Variants in SMU1 observed in about 807,000 individuals in gnomAD.
SMU1 encodes the protein WD40 repeat-containing protein SMU1.
Under a neutral mutation model 62.0 loss-of-function variants are expected in SMU1, and 2 were observed. The observed-to-expected ratio is 0.03, with a 90% confidence interval of 0.01 to 0.10. The LOEUF is 0.10. Ranked by LOEUF, SMU1 falls within the 10% of genes least tolerant of loss-of-function variation. The pLI, the probability that SMU1 is intolerant of heterozygous loss-of-function variation, is 1.00. For synonymous variants in SMU1, 188 were observed against 212.4 expected, an observed-to-expected ratio of 0.89 and a Z score of 1.00; for missense variants, 227 against 622.1, an observed-to-expected ratio of 0.36 and a Z score of 6.76.
At chr9:33,059,901 C>G (rs1839344283) in intron 6 of SMU1, among the ~76,000 whole-genome samples, 1 of 151,790 alleles carries the variant, frequency 6.6e-6, no homozygotes, top group South Asian at 2.1e-4. Flanking sequence ...CCTGAGCCAT[C>G]ACGCCCAGCC....
chr9:33,066,941 G>A (rs1026042629), intron 4 of SMU1, among the ~76,000 whole-genome samples: 2 of 151,968 alleles, frequency 1.3e-5, no homozygotes, highest in East Asian at 3.9e-4. Flanking sequence ...GTCCTGATGG[G>A]AACAAAAAGA....
rs958387439 is a variant in SMU1, at chr9:33,044,296, G to T, written c.*2997C>A. 1 of 152,444 alleles carries T rather than the reference G, an allele frequency of 6.6e-6. No individual in the cohort carries two copies. Among genetic ancestry groups the T allele is most frequent in the Non-Finnish European group, 1.5e-5 (1 of 68,096 alleles). 9.4% of individuals were successfully genotyped at this position (152,444 alleles called of 1,614,324 possible). Reference sequence around the variant, plus strand: ...AGCCGCTGCCACCGGCCCTTAAGACGATGTGACCGCCAATTTTGTAACAGT... The same window carrying T: ...AGCCGCTGCCACCGGCCCTTAAGACTATGTGACCGCCAATTTTGTAACAGT... On this transcript the variant is annotated 3_prime_UTR_variant, in exon 12 of 12. Transcript: ENST00000397149.
intron 10 of SMU1, among the ~76,000 whole-genome samples, chr9:33,052,181 T>C (rs1187635370): frequency 6.6e-6 from 1 of 152,094 alleles, no homozygotes; most frequent in African/African-American, 2.4e-5. Context: ...AGATCTGTAA[T>C]AGAGTTAATA....
chr9:33,070,945 G>A (rs561903485), intron 3 of SMU1, among the ~76,000 whole-genome samples: 113 of 152,128 alleles, frequency 7.4e-4, no homozygotes, highest in Non-Finnish European at 1.4e-3. Context: ...GAATAAATAA[G>A]AAATAGTATT....
At chr9:33,054,164 C>T (rs7872744) in intron 9 of SMU1, among the ~76,000 whole-genome samples, 63,439 of 151,464 alleles carry the variant, frequency 0.42, 13,546 homozygotes, top group African/African-American at 0.48. Context: ...AAACAAAAAC[C>T]GCTTTTCTTT....
intron 8 of SMU1, 160 bp from the exon 9 acceptor site, chr9:33,056,399 A>G (rs946324242): frequency 2.1e-5 from 7 of 340,622 alleles, no homozygotes; most frequent in Non-Finnish European, 2.9e-5. Flanking sequence ...TCACTATATC[A>G]AACAATCAAA....
At chr9:33,073,509 T>G (rs981249402) in intron 2 of SMU1, 87 bp downstream of exon 2, 5 of 886,078 alleles carry the variant, frequency 5.6e-6, no homozygotes, top group African/African-American at 3.3e-5. Context: ...CTACCGTGCT[T>G]GAAGGAATGC....
Position 33,071,871 on chromosome 9 carries a change from G to T in SMU1, c.259C>A (p.Leu87Ile). 1 of 1,575,664 alleles carries T rather than the reference G, an allele frequency of 6.3e-7. No individual in the cohort carries two copies. Reference protein sequence around the residue: ...YEQVVLELIELRELGAARSLL... With the variant: ...YEQVVLELIEIRELGAARSLL... The stretch of plus-strand genomic sequence containing the variant: ...GACCTGGCAGCACCCAATTCACGGA[G>T]CTCTATCAATTCCAGAACAACCTGG... Residue 87 changes from leucine (L) to isoleucine (I), a missense_variant, in exon 3 of 12, where the codon CTC (leucine) becomes ATC (isoleucine). Transcript: ENST00000397149.
chr9:33,048,611 C>T (rs1839211845), intron 10 of SMU1, among the ~76,000 whole-genome samples: 1 of 152,222 alleles, frequency 6.6e-6, no homozygotes, highest in Admixed American at 6.5e-5. Context: ...TGTCTGCTCT[C>T]CAGTTTCCTC....
intron 3 of SMU1, among the ~76,000 whole-genome samples, chr9:33,069,686 C>G (rs2117862342): frequency 6.6e-6 from 1 of 152,306 alleles, no homozygotes; most frequent in Admixed American, 6.5e-5. Context: ...CCTGTAATCT[C>G]AGCTACTCGG....
chr9:33,057,513 A>T, intron 7 of SMU1, 85 bp downstream of exon 7: 1 of 1,496,190 alleles, frequency 6.7e-7, no homozygotes, highest in Non-Finnish European at 9.2e-7. Flanking sequence ...AGCTATTATT[A>T]TGCTGAATAT....
intron 7 of SMU1, 86 bp downstream of exon 7, chr9:33,057,512 T>A: frequency 6.7e-7 from 1 of 1,490,210 alleles, no homozygotes; most frequent in Non-Finnish European, 9.3e-7. Context: ...TAGCTATTAT[T>A]ATGCTGAATA....
intron 8 of SMU1, 31 bp from the exon 9 acceptor site, chr9:33,056,270 T>C (rs558749810): frequency 3.1e-6 from 5 of 1,591,150 alleles, no homozygotes; most frequent in African/African-American, 2.7e-5. Context: ...AAAAGAACAA[T>C]AAATATTTAA....
chr9:33,054,526 G>T (rs576845096), intron 9 of SMU1, among the ~76,000 whole-genome samples: 28 of 152,186 alleles, frequency 1.8e-4, no homozygotes, highest in Non-Finnish European at 4.0e-4. Flanking sequence ...ACTTTTCCCG[G>T]TCTATCTTTT....
intron 3 of SMU1, 124 bp downstream of exon 3, chr9:33,071,616 A>G (rs1168443939): frequency 4.1e-6 from 4 of 968,846 alleles, no homozygotes; most frequent in Non-Finnish European, 6.0e-6. Flanking sequence ...GAGAAGCATC[A>G]TTCTCAAAAA....
Position 33,073,916 on chromosome 9 carries a change from C to A in SMU1, c.27-110G>T, listed in dbSNP as rs1839513734. 1.7e-5 allele frequency: 18 copies of A among 1,032,502 alleles called. No individual in the cohort carries two copies. The South Asian group carries it at 3.1e-4, about 18-fold the overall frequency. 64.0% of individuals were successfully genotyped at this position (1,032,502 alleles called of 1,614,324 possible). A position where few individuals can be genotyped will look rare whatever the true frequency, so the allele number is the denominator to read the frequency against. On this transcript the variant is annotated intron_variant, in intron 1 of 11. Coordinates refer to ENST00000397149, the MANE Select transcript of SMU1 (RefSeq NM_018225.3). ...CTTCCTTTCACTACTATTTCTTTATCATGTGAGTAAAATTTTCCAAAATCA... is the reference window on the plus strand; with the variant it reads ...CTTCCTTTCACTACTATTTCTTTATAATGTGAGTAAAATTTTCCAAAATCA...
rs1450846333 is a variant in SMU1, at chr9:33,044,588, G to A, written c.*2705C>T. The A allele has an allele frequency of 6.6e-6, 1 of 152,302 alleles. No homozygotes were observed. The highest frequency in any genetic ancestry group is 1.5e-5 in the Non-Finnish European group (1 of 68,098). 9.4% of individuals were successfully genotyped at this position (152,302 alleles called of 1,614,324 possible). ...GACGGCCGCGTGGGGCTTCAGAAAGGCTAGGCGCCGAGGAGTGTAAGCAGC... is the reference window on the plus strand; with the variant it reads ...GACGGCCGCGTGGGGCTTCAGAAAGACTAGGCGCCGAGGAGTGTAAGCAGC... On this transcript the variant is annotated 3_prime_UTR_variant, in exon 12 of 12. Coordinates refer to ENST00000397149, the MANE Select transcript of SMU1 (RefSeq NM_018225.3).
intron 1 of SMU1, among the ~76,000 whole-genome samples, chr9:33,074,021 T>C (rs144428554): frequency 3.5e-3 from 540 of 152,334 alleles, no homozygotes; most frequent in African/African-American, 0.012. Flanking sequence ...ATTTGCCTAA[T>C]GTCTCAGTCA....
At position 33,042,068 on chromosome 9, in the gene SMU1, T is replaced by C. The variant is rs1839132030; in HGVS notation, c.*5225A>G. On this transcript the variant is annotated 3_prime_UTR_variant, in exon 12 of 12. Coordinates refer to ENST00000397149, the MANE Select transcript of SMU1 (RefSeq NM_018225.3). ...GAATTGCACAATTGTTTAGGAAAAT[T>C]TGTTACATGTTTTACAATTAAAAAT... is the stretch of plus-strand genomic sequence containing the variant. The C allele has an allele frequency of 6.6e-6, 1 of 152,550 alleles. No individual in the cohort carries two copies. The highest frequency in any genetic ancestry group is 1.5e-5 in the Non-Finnish European group (1 of 68,048). The allele number at this position is 152,550 out of a possible 1,614,324, so 9.4% of individuals were successfully genotyped here. A position where few individuals can be genotyped will look rare whatever the true frequency, so the allele number is the denominator to read the frequency against.
Sources: gnomAD v4.1 joint callset for allele counts (sites outside exome capture counted in the v4.1 genomes callset) on GRCh38, gnomAD v4.1.1 for gene constraint, MANE v1.5 for transcripts, NCBI Gene and HGNC (gene_info 2026-07-23, HGNC 2026-07-21) for gene names.